CCR5AS: variants seen among roughly 807,000 people sequenced by gnomAD.
The protein encoded by CCR5AS is CCR5 antisense RNA.
chr3:46,365,409 A>G (rs1559565046), intron 3 of CCR5AS, among the ~76,000 whole-genome samples: 1 of 152,228 alleles, frequency 6.6e-6, no homozygotes, highest in Non-Finnish European at 1.5e-5. Context: ...AATATTTTTA[A>G]TTAAGGTATG....
intron 2 of CCR5AS, among the ~76,000 whole-genome samples, chr3:46,387,974 G>A (rs1454619283): frequency 6.6e-6 from 1 of 152,124 alleles, no homozygotes; most frequent in East Asian, 1.9e-4. Context: ...GGGTGGGGCA[G>A]GAACAAATTA....
chr3:46,367,287 C>T (rs1701608189), intron 3 of CCR5AS, among the ~76,000 whole-genome samples: 1 of 147,338 alleles, frequency 6.8e-6, no homozygotes, highest in African/African-American at 2.5e-5. Flanking sequence ...TGTTCTTCCT[C>T]AATAAAAATA....
chr3:46,387,147 C>G (rs866757487), intron 2 of CCR5AS, among the ~76,000 whole-genome samples: 1 of 152,096 alleles, frequency 6.6e-6, no homozygotes, highest in Non-Finnish European at 1.5e-5. Flanking sequence ...AAAGATACCC[C>G]CTTCCTACTA....
intron 2 of CCR5AS, among the ~76,000 whole-genome samples, chr3:46,390,331 G>C (rs866751927): frequency 7.2e-5 from 11 of 152,276 alleles, no homozygotes; most frequent in Middle Eastern, 6.8e-3. Flanking sequence ...CTATAGGATG[G>C]ATGGGAAGGA....
intron 2 of CCR5AS, among the ~76,000 whole-genome samples, chr3:46,386,817 T>A (rs1055770758): frequency 6.6e-6 from 1 of 152,200 alleles, no homozygotes; most frequent in Admixed American, 6.5e-5. Flanking sequence ...AAGGATACAC[T>A]CTAAAATACT....
intron 3 of CCR5AS, among the ~76,000 whole-genome samples, chr3:46,365,351 CT>C (rs2106733506): frequency 6.6e-6 from 1 of 152,314 alleles, no homozygotes; most frequent in Admixed American, 6.5e-5. Context: ...AGCAAAAACA[CT>C]ATGACTTGCT....
rs186316084 is a variant in CCR5AS at position 46,389,621 on chromosome 3, G to A, written n.391+3204C>T. On this transcript the variant is annotated intron_variant and non_coding_transcript_variant, in intron 2 of 3. Transcript: ENST00000451485. ...AGCTGTGTGTAAGGAAAAAGGATGG[G>A]ACGAGTCGGGGAGTGCTAGTGTGGG... Among the ~76,000 whole-genome samples the A allele has an allele frequency of 1.3e-3, 204 of 152,344 alleles. 1 individual carries two copies. The highest frequency in any genetic ancestry group is 4.6e-3 in the African/African-American group (191 of 41,572).
intron 2 of CCR5AS, chr3:46,373,170 G>A (rs1182625490): frequency 1.2e-6 from 2 of 1,613,984 alleles, no homozygotes; most frequent in Non-Finnish European, 8.5e-7. Context: ...GGCTCACTAT[G>A]CTGCCGCCCA....
intron 2 of CCR5AS, among the ~76,000 whole-genome samples, chr3:46,380,724 C>T (rs1215946669): frequency 6.6e-6 from 1 of 152,234 alleles, no homozygotes; most frequent in Admixed American, 6.5e-5. Context: ...AATAAATTCA[C>T]AAAAGCCAAC....
At chr3:46,398,380 A>T (rs1701978775) in intron 1 of CCR5AS, among the ~76,000 whole-genome samples, 1 of 152,196 alleles carries the variant, frequency 6.6e-6, no homozygotes, top group Non-Finnish European at 1.5e-5. Context: ...CACACAAGGA[A>T]ATGGATCACC....
intron 2 of CCR5AS, among the ~76,000 whole-genome samples, chr3:46,379,001 C>A (rs200095866): frequency 8.0e-6 from 1 of 125,516 alleles, no homozygotes; most frequent in Admixed American, 7.9e-5. Context: ...TGGTAAATTT[C>A]TTTTTTTTTT....
chr3:46,399,210 C>T (rs904568530), intron 1 of CCR5AS, among the ~76,000 whole-genome samples: 2 of 152,134 alleles, frequency 1.3e-5, no homozygotes, highest in Admixed American at 6.5e-5. Flanking sequence ...CTGATGTCTG[C>T]GTCTTGTTGT....
At chr3:46,376,511 A>G (rs1434431901) in intron 2 of CCR5AS, among the ~76,000 whole-genome samples, 3 of 152,208 alleles carry the variant, frequency 2.0e-5, no homozygotes, top group Non-Finnish European at 2.9e-5. Flanking sequence ...TCCACTACTC[A>G]AAAGAATTGC....
intron 2 of CCR5AS, chr3:46,372,676 C>G (rs1196941057): frequency 1.5e-5 from 6 of 411,458 alleles, no homozygotes; most frequent in Non-Finnish European, 2.6e-5. Context: ...ATTCCCCCAA[C>G]AGAGCCAAGC....
chr3:46,372,185 G>T (rs181867134), intron 2 of CCR5AS, among the ~76,000 whole-genome samples: 1 of 152,288 alleles, frequency 6.6e-6, no homozygotes, highest in Admixed American at 6.5e-5. Context: ...TTACTGGCTT[G>T]CTCATAGTGC....
intron 2 of CCR5AS, chr3:46,372,709 G>C (rs1022705570): frequency 6.2e-6 from 3 of 484,814 alleles, no homozygotes; most frequent in African/African-American, 5.8e-5. Flanking sequence ...GGACAGGGAA[G>C]CTAGCAGCAA....
intron 2 of CCR5AS, among the ~76,000 whole-genome samples, chr3:46,386,343 C>T (rs1268523674): frequency 6.6e-6 from 1 of 152,248 alleles, no homozygotes; most frequent in Non-Finnish European, 1.5e-5. Flanking sequence ...GTGCAGTCAA[C>T]GTCTCACCAG....
chr3:46,379,398 G>A (rs1284327192), intron 2 of CCR5AS, among the ~76,000 whole-genome samples: 1 of 151,958 alleles, frequency 6.6e-6, no homozygotes, highest in Non-Finnish European at 1.5e-5. Context: ...TGATAGACTG[G>A]ATTAAGAAAA....
At chr3:46,378,627 T>G (rs1412870694) in intron 2 of CCR5AS, among the ~76,000 whole-genome samples, 4 of 152,240 alleles carry the variant, frequency 2.6e-5, no homozygotes, top group Admixed American at 6.5e-5. Flanking sequence ...AGGAGGCTTT[T>G]CACATTCAGC....
Sources: allele counts gnomAD v4.1 joint callset (sites outside exome capture counted in the v4.1 genomes callset), GRCh38; gene constraint gnomAD v4.1.1; transcripts MANE v1.5; gene names NCBI Gene and HGNC (gene_info 2026-07-23, HGNC 2026-07-21).